Variants in PPP1R12A observed in about 807,000 individuals in gnomAD.
PPP1R12A encodes the protein myosin binding subunit.
A neutral mutation model predicts 139.6 loss-of-function variants in PPP1R12A; 19 were observed. That is an observed-to-expected ratio of 0.14 (90% confidence interval 0.09 to 0.20). The LOEUF (loss-of-function observed/expected upper bound fraction) is 0.20. Among genes scored for constraint, PPP1R12A ranks in the 10% least tolerant of loss-of-function variants. The pLI is 1.00. For synonymous variants in PPP1R12A, 427 were observed against 420.6 expected (o/e 1.02, Z -0.19); for missense variants, 925 against 1,211.5 (o/e 0.76, Z 3.51).
At chr12:79,785,100 A>C (rs1323221194) in intron 22 of PPP1R12A, among the ~76,000 whole-genome samples, 1 of 152,254 alleles carries the variant, frequency 6.6e-6, no homozygotes, top group African/African-American at 2.4e-5. Flanking sequence ...ACATCAGTTT[A>C]GGTATTTTTA....
intron 1 of PPP1R12A, among the ~76,000 whole-genome samples, chr12:79,905,244 A>G (rs1032316228): frequency 6.6e-6 from 1 of 152,016 alleles, no homozygotes; most frequent in Non-Finnish European, 1.5e-5. Flanking sequence ...ACCTAAAAAC[A>G]GCACTACTAG....
At chr12:79,878,572 T>C (rs777676846) in intron 1 of PPP1R12A, among the ~76,000 whole-genome samples, 9 of 152,194 alleles carry the variant, frequency 5.9e-5, no homozygotes, top group Non-Finnish European at 8.8e-5. Flanking sequence ...GACTGAGTAA[T>C]TTATAAAGGA....
intron 1 of PPP1R12A, among the ~76,000 whole-genome samples, chr12:79,922,063 C>A (rs776381823): frequency 6.6e-6 from 1 of 152,118 alleles, no homozygotes; most frequent in Non-Finnish European, 1.5e-5. Flanking sequence ...CCAGCCTGGG[C>A]AACACAGCAA....
chr12:79,876,148 G>C (rs553682879), intron 1 of PPP1R12A, among the ~76,000 whole-genome samples: 1 of 152,138 alleles, frequency 6.6e-6, no homozygotes, highest in South Asian at 2.1e-4. Flanking sequence ...TTTTGGTATT[G>C]CCTTTCTTGG....
At chr12:79,915,483 C>T (rs1198103648) in intron 1 of PPP1R12A, among the ~76,000 whole-genome samples, 3 of 151,882 alleles carry the variant, frequency 2.0e-5, no homozygotes, top group African/African-American at 4.8e-5. Context: ...ACTATTTTTG[C>T]TTTACATTAA....
At chr12:79,782,500 C>G in intron 22 of PPP1R12A, 1 of 443,594 alleles carries the variant, frequency 2.3e-6, no homozygotes, top group Non-Finnish European at 4.5e-6. Flanking sequence ...CTGACCAGCT[C>G]AAAGCTGATG....
chr12:79,859,768 T>C (rs1418643419), intron 2 of PPP1R12A, among the ~76,000 whole-genome samples: 1 of 152,036 alleles, frequency 6.6e-6, no homozygotes, highest in Admixed American at 6.6e-5. Context: ...AATAAAAAAA[T>C]TAGCTAGAAG....
At position 79,888,152 on chromosome 12, in the gene PPP1R12A, C is replaced by T. The variant is rs58341946; in HGVS notation, c.238-15214G>A. ...ATGGTGAAGTATACAGACCAGATACCTGAATTCACACAGCTTAGAGTCCAG... is the reference window on the plus strand; with the variant it reads ...ATGGTGAAGTATACAGACCAGATACTTGAATTCACACAGCTTAGAGTCCAG... On this transcript the variant is annotated intron_variant, in intron 1 of 24. Transcript: ENST00000450142. Among the ~76,000 whole-genome samples, 4 of 152,202 alleles carry T rather than the reference C, an allele frequency of 2.6e-5. No individual in the cohort carries two copies. In the South Asian group the frequency reaches 8.3e-4, roughly 32 times the overall value.
At chr12:79,929,998 T>C (rs1351533746) in intron 1 of PPP1R12A, among the ~76,000 whole-genome samples, 1 of 152,154 alleles carries the variant, frequency 6.6e-6, no homozygotes, top group Non-Finnish European at 1.5e-5. Context: ...TTAGTGAGCA[T>C]CTACTATGTG....
chr12:79,877,189 C>T (rs1025311167), intron 1 of PPP1R12A, among the ~76,000 whole-genome samples: 1 of 152,002 alleles, frequency 6.6e-6, no homozygotes, highest in Non-Finnish European at 1.5e-5. Context: ...ATAAAAATTC[C>T]CTACCATATT....
intron 3 of PPP1R12A, among the ~76,000 whole-genome samples, chr12:79,841,566 G>A (rs75535687): frequency 0.014 from 2,080 of 152,160 alleles, 53 homozygotes; most frequent in African/African-American, 0.048. Context: ...TTACAGTTAC[G>A]CTAGCAATTT....
At chr12:79,836,318 A>G (rs1229894955) in intron 3 of PPP1R12A, among the ~76,000 whole-genome samples, 3 of 152,132 alleles carry the variant, frequency 2.0e-5, no homozygotes, top group Non-Finnish European at 4.4e-5. Context: ...TTGCTTTTTT[A>G]ATGTTACTCT....
chr12:79,826,199 C>G (rs1009107074), intron 5 of PPP1R12A, among the ~76,000 whole-genome samples: 1 of 151,962 alleles, frequency 6.6e-6, no homozygotes, highest in Non-Finnish European at 1.5e-5. Context: ...GGAAAATATA[C>G]TTGACTTCTC....
chr12:79,903,023 T>C (rs1009337240), intron 1 of PPP1R12A, among the ~76,000 whole-genome samples: 2 of 152,010 alleles, frequency 1.3e-5, no homozygotes, highest in Non-Finnish European at 2.9e-5. Flanking sequence ...TGCTTATCAG[T>C]AGCATATAAA....
At chr12:79,882,404 G>T (rs1883716957) in intron 1 of PPP1R12A, among the ~76,000 whole-genome samples, 1 of 152,182 alleles carries the variant, frequency 6.6e-6, no homozygotes, top group African/African-American at 2.4e-5. Context: ...GGAAGTAACT[G>T]CAGATGTGGT....
At chr12:79,779,993 A>T (rs1870225690) in intron 23 of PPP1R12A, 1 of 152,662 alleles carries the variant, frequency 6.6e-6, no homozygotes, top group African/African-American at 2.4e-5. Flanking sequence ...GCATAAAGCC[A>T]AGAGTTCAAG....
chr12:79,817,142 A>T (rs1345945565), intron 9 of PPP1R12A, among the ~76,000 whole-genome samples: 1 of 152,194 alleles, frequency 6.6e-6, no homozygotes, highest in Non-Finnish European at 1.5e-5. Flanking sequence ...GCCATTTATT[A>T]ACTATCAACT....
rs114943615 is a variant in PPP1R12A, at chr12:79,776,416, T to C, written c.3007-401A>G. Among the ~76,000 whole-genome samples, 791 of 152,220 alleles carry C rather than the reference T, an allele frequency of 5.2e-3. 5 individuals carry two copies. Among genetic ancestry groups the C allele is most frequent in the African/African-American group, 0.018 (751 of 41,552 alleles). On this transcript the variant is annotated intron_variant, in intron 24 of 24. Coordinates refer to ENST00000450142, the MANE Select transcript of PPP1R12A (RefSeq NM_002480.3). The stretch of plus-strand genomic sequence containing the variant: ...TATGTCAGACCTAAAATCATAATAC[T>C]TAATATTGTTCCACAAGAAAGTCAA...
chr12:79,856,500 G>C (rs1032912181), intron 2 of PPP1R12A, among the ~76,000 whole-genome samples: 2 of 152,178 alleles, frequency 1.3e-5, no homozygotes, highest in African/African-American at 4.8e-5. Context: ...TTCTTTGGAT[G>C]ATGTCTTCAT....
Sources: gnomAD v4.1 joint callset for allele counts (sites outside exome capture counted in the v4.1 genomes callset) on GRCh38, gnomAD v4.1.1 for gene constraint, MANE v1.5 for transcripts, NCBI Gene and HGNC (gene_info 2026-07-23, HGNC 2026-07-21) for gene names.